Variants in GRID2IP observed in about 807,000 individuals in gnomAD.
GRID2IP encodes delphilin.
GRID2IP carries 78 observed loss-of-function variants against 114.3 expected under a neutral mutation model. The observed-to-expected ratio is 0.68, with a 90% CI of 0.57 to 0.82. GRID2IP has a LOEUF of 0.82. GRID2IP is among the 40% of genes least tolerant of loss of function. The pLI, the probability that GRID2IP is intolerant of heterozygous loss-of-function variation, is 0.00. For missense variants in GRID2IP, 1,727 were observed against 1,678.5 expected (o/e 1.03, Z -0.51); for synonymous variants, 809 against 724.0 (o/e 1.12, Z -1.89).
intron 1 of GRID2IP, among the ~76,000 whole-genome samples, chr7:6,545,859 C>G (rs537431971): frequency 6.6e-6 from 1 of 152,256 alleles, no homozygotes; most frequent in South Asian, 2.1e-4. Context: ...TCCCCACGCA[C>G]GCGCCGTGCT....
Position 6,519,192 on chromosome 7 carries a change from T to C in GRID2IP, c.1268+1386A>G, listed in dbSNP as rs1331447911. The stretch of plus-strand genomic sequence containing the variant: ...TCAGCCTCCCAAAGTGCTGGGATTA[T>C]AGGTGTCTGGCCTGGGTTTCTTTTT... On this transcript the variant is annotated intron_variant, in intron 7 of 21. Transcript: ENST00000457091. This position sits in a 1 kb window ranked among gnomAD's most constrained non-coding sequence, Gnocchi z 4.1. Among the ~76,000 whole-genome samples, 1 of 152,132 alleles carries C rather than the reference T, an allele frequency of 6.6e-6. No homozygotes were observed. The highest frequency in any genetic ancestry group is 1.5e-5 in the Non-Finnish European group (1 of 68,024).
chr7:6,526,740 C>T lies in GRID2IP; in HGVS notation c.614G>A (p.Arg205His), dbSNP rs1395136654. 4 of 1,524,250 alleles carry T rather than the reference C, an allele frequency of 2.6e-6. No individual in the cohort carries two copies. The highest frequency in any genetic ancestry group is 2.7e-5 in the East Asian group (1 of 37,222). 94.4% of individuals were successfully genotyped at this position (1,524,250 alleles called of 1,614,324 possible). Residue 205 changes from arginine (R) to histidine (H), a missense_variant, in exon 3 of 22, where the codon CGC (arginine) becomes CAC (histidine). By Grantham distance (29) the Arg-to-His change is conservative. Transcript: ENST00000457091. This position sits in a 1 kb window ranked among gnomAD's most constrained non-coding sequence, Gnocchi z 7.6. ...GCCCTGAGACACCACCTCGTCGAAG[C>T]GCGCCCGGTGCTTCTTGGGGATGAA... ...RIFIPKKHRA[R>H]FDEVVSQGLL...
At position 6,539,813 on chromosome 7, in the gene GRID2IP, C is replaced by A; in HGVS notation, c.489G>T (p.Lys163Asn). 2 of 1,551,180 alleles carry A rather than the reference C, an allele frequency of 1.3e-6. No homozygotes were observed. The highest frequency in any genetic ancestry group is 1.7e-6 in the Non-Finnish European group (2 of 1,146,968). The change falls in exon 2 of 22, where the codon AAG becomes AAT. Residue 163 changes from lysine to asparagine, a missense_variant. Transcript: ENST00000457091. ...CCACCCGCTGCTCAGCTGCAAACTG[C>A]TTCAGTGCAGCGAACACCTGCTCCT... The part of the protein sequence containing the change: ...TAKEQVFAAL[K>N]QFAAEQRVDD...
At chr7:6,543,748 C>G (rs1166710126) in intron 1 of GRID2IP, among the ~76,000 whole-genome samples, 6 of 151,410 alleles carry the variant, frequency 4.0e-5, no homozygotes, top group Non-Finnish European at 4.4e-5. Flanking sequence ...TAGCCAGGAT[C>G]ACAGGTGCAC....
Position 6,526,134 on chromosome 7 carries a change from T to C in GRID2IP, c.919+90A>G. The C allele has an allele frequency of 1.0e-6, 1 of 980,448 alleles. No individual in the cohort carries two copies. The allele number at this position is 980,448 out of a possible 1,614,324, so 60.7% of individuals were successfully genotyped here. On this transcript the variant is annotated intron_variant, in intron 4 of 21. Coordinates refer to ENST00000457091, the MANE Select transcript of GRID2IP (RefSeq NM_001145118.2). This position sits in a 1 kb window ranked among gnomAD's most constrained non-coding sequence, Gnocchi z 7.6. The stretch of plus-strand genomic sequence containing the variant: ...AGGGGTTGCTGAGCAGGAGCCTACA[T>C]GGGGTACAATGACCCGGCAGAGCCA...
At chr7:6,541,292 A>G (rs1295892800) in intron 1 of GRID2IP, among the ~76,000 whole-genome samples, 2 of 152,202 alleles carry the variant, frequency 1.3e-5, no homozygotes, top group Admixed American at 6.5e-5. Flanking sequence ...GTTCTAATAA[A>G]TATCGTAAAG....
At chr7:6,522,463 G>C (rs561488517) in intron 4 of GRID2IP, among the ~76,000 whole-genome samples, 1 of 152,140 alleles carries the variant, frequency 6.6e-6, no homozygotes, top group East Asian at 1.9e-4. Flanking sequence ...GTCAGGGTCT[G>C]GGATTCCTCT....
chr7:6,503,046 C>T lies in GRID2IP; in HGVS notation c.3025G>A (p.Glu1009Lys), dbSNP rs1319454179. 1 of 1,551,516 alleles carries T rather than the reference C, an allele frequency of 6.4e-7. No homozygotes were observed. The highest frequency in any genetic ancestry group is 8.7e-7 in the Non-Finnish European group (1 of 1,146,966). ...GCGAGCTTCCGACTGTTTTTGAGCTCCAGGGAGGCCTGGCGCAAGCATTCA... is the reference window on the plus strand; with the variant it reads ...GCGAGCTTCCGACTGTTTTTGAGCTTCAGGGAGGCCTGGCGCAAGCATTCA... The part of the protein sequence containing the change: ...SLECLRQASL[E>K]LKNSRKLAKI... Residue 1009 changes from glutamate (E) to lysine (K), a missense_variant, in exon 17 of 22, where the codon GAG becomes AAG. Coordinates refer to ENST00000457091, the MANE Select transcript of GRID2IP (RefSeq NM_001145118.2).
Position 6,536,526 on chromosome 7 carries a change from G to C in GRID2IP, c.584+3192C>G, listed in dbSNP as rs908910748. On this transcript the variant is annotated intron_variant, in intron 2 of 21. Coordinates refer to ENST00000457091, the MANE Select transcript of GRID2IP (RefSeq NM_001145118.2). This position sits in a 1 kb window ranked among gnomAD's most constrained non-coding sequence, Gnocchi z 5.3. Reference sequence around the variant, plus strand: ...GGGGGGCAGGCGGGCTGGCCCGGGAGGGGGCAGGAACAGACACCGGCAGCG... The same window carrying C: ...GGGGGGCAGGCGGGCTGGCCCGGGACGGGGCAGGAACAGACACCGGCAGCG... Among the ~76,000 whole-genome samples the C allele has an allele frequency of 3.3e-5, 5 of 152,088 alleles. No homozygotes were observed. The highest frequency in any genetic ancestry group is 9.7e-5 in the African/African-American group (4 of 41,432).
In GRID2IP at chr7:6,522,201, C is replaced by T. The variant is rs537021844; in HGVS notation, c.920-244G>A. ...CCCATCTCTACCAAGAAAAAAAATACAGAGCCCCATAGGCATGGGTGGCAG... is the reference window on the plus strand; with the variant it reads ...CCCATCTCTACCAAGAAAAAAAATATAGAGCCCCATAGGCATGGGTGGCAG... On this transcript the variant is annotated intron_variant, in intron 4 of 21. Coordinates refer to ENST00000457091, the MANE Select transcript of GRID2IP (RefSeq NM_001145118.2). Among the ~76,000 whole-genome samples, 6 of 152,242 alleles carry T rather than the reference C, an allele frequency of 3.9e-5. No homozygotes were observed. In the South Asian group the frequency reaches 6.2e-4, roughly 16 times the overall value.
At position 6,521,417 on chromosome 7, in the gene GRID2IP, T is replaced by TG; in HGVS notation, c.1084+11dup. On this transcript the variant is annotated intron_variant, in intron 6 of 21. Transcript: ENST00000457091. The surrounding 1 kb of genome is among the most constrained non-coding windows in gnomAD (Gnocchi z 4.1). ...GGGGGCCAAGGAAGCCAAGTGTCCA[T>TG]GGGGGTCTCACCACTGGCAAATGGG... 4 of 1,530,982 alleles carry TG rather than the reference T, an allele frequency of 2.6e-6. No individual in the cohort carries two copies. Among genetic ancestry groups the TG allele is most frequent in the Non-Finnish European group, 3.5e-6 (4 of 1,134,960 alleles). The allele number at this position is 1,530,982 out of a possible 1,614,324, so 94.8% of individuals were successfully genotyped here. A position where few individuals can be genotyped will look rare whatever the true frequency, so the allele number is the denominator to read the frequency against.
At position 6,503,278 on chromosome 7, in the gene GRID2IP, G is replaced by C. The variant is rs1786470668; in HGVS notation, c.2908-115C>G. On this transcript the variant is annotated intron_variant, in intron 16 of 21. Coordinates refer to ENST00000457091, the MANE Select transcript of GRID2IP (RefSeq NM_001145118.2). Reference sequence around the variant, plus strand: ...CTGGCTGCTTCGGCCCGATATTCCGGTAGGAAGAATAAGCACGATCCCTGG... The same window carrying C: ...CTGGCTGCTTCGGCCCGATATTCCGCTAGGAAGAATAAGCACGATCCCTGG... The C allele has an allele frequency of 4.2e-6, 5 of 1,182,638 alleles. No individual in the cohort carries two copies. The Admixed American group carries it at 1.4e-4, about 34-fold the overall frequency. The allele number at this position is 1,182,638 out of a possible 1,614,324, so 73.3% of individuals were successfully genotyped here. A position where few individuals can be genotyped will look rare whatever the true frequency, so the allele number is the denominator to read the frequency against.
chr7:6,540,761 C>T (rs1779804925), intron 1 of GRID2IP, among the ~76,000 whole-genome samples: 1 of 145,540 alleles, frequency 6.9e-6, no homozygotes, highest in South Asian at 2.1e-4. Flanking sequence ...AAACTCCTGG[C>T]CTCAGGTGAC....
chr7:6,521,832 T>G lies in GRID2IP; in HGVS notation c.989+56A>C. On this transcript the variant is annotated intron_variant, in intron 5 of 21. Transcript: ENST00000457091. This position sits in a 1 kb window ranked among gnomAD's most constrained non-coding sequence, Gnocchi z 4.1. ...TGGGTGCCCCAAGAGGCAGGAGTCTTGCAGGGGGTGGGGGCAGCTCCTCAC... is the reference window on the plus strand; with the variant it reads ...TGGGTGCCCCAAGAGGCAGGAGTCTGGCAGGGGGTGGGGGCAGCTCCTCAC... The G allele has an allele frequency of 7.5e-7, 1 of 1,341,474 alleles. No individual in the cohort carries two copies. Among genetic ancestry groups the G allele is most frequent in the Non-Finnish European group, 1.0e-6 (1 of 956,760 alleles). The allele number at this position is 1,341,474 out of a possible 1,614,324, so 83.1% of individuals were successfully genotyped here.
At chr7:6,502,407 G>C (rs183654852) in intron 18 of GRID2IP, among the ~76,000 whole-genome samples, 55 of 152,012 alleles carry the variant, frequency 3.6e-4, no homozygotes, top group African/African-American at 1.3e-3. Context: ...GTAGAACTGG[G>C]GTCTAGCTAT....
rs764810113 is a variant in GRID2IP at position 6,526,641 on chromosome 7, C to A, written c.713G>T (p.Arg238Leu). 9.5e-6 allele frequency: 13 copies of A among 1,370,522 alleles called. 1 individual carries two copies. In the South Asian group the frequency reaches 1.2e-4, roughly 13 times the overall value. 84.9% of individuals were successfully genotyped at this position (1,370,522 alleles called of 1,614,324 possible). The part of the protein sequence containing the change: ...QRLRRSRSEE[R>L]PERLLVSTRA... ...CGTGGACACCAGGAGGCGCTCCGGC[C>A]GCTCCTCGCTGCGGCTCCGGCGCAG... is the stretch of plus-strand genomic sequence containing the variant. Residue 238 changes from arginine (R) to leucine (L), a missense_variant, in exon 3 of 22, where the codon CGG becomes CTG. Arg to Leu is a moderately radical substitution (Grantham distance 102). Coordinates refer to ENST00000457091, the MANE Select transcript of GRID2IP (RefSeq NM_001145118.2). This position sits in a 1 kb window ranked among gnomAD's most constrained non-coding sequence, Gnocchi z 7.6.
chr7:6,540,684 C>A (rs1281705064), intron 1 of GRID2IP, among the ~76,000 whole-genome samples: 2 of 68,236 alleles, frequency 2.9e-5, no homozygotes, highest in Non-Finnish European at 5.7e-5. Context: ...CCACACCTGG[C>A]TAATTTTTTT....
At position 6,521,767 on chromosome 7, in the gene GRID2IP, C is replaced by T. The variant is rs1475485747; in HGVS notation, c.989+121G>A. ...AGTTCCCATTGGAAGAGGGACAGAC[C>T]CTGGGGACCAAATGGTGAGAGGAGA... On this transcript the variant is annotated intron_variant, in intron 5 of 21. Coordinates refer to ENST00000457091, the MANE Select transcript of GRID2IP (RefSeq NM_001145118.2). This position sits in a 1 kb window ranked among gnomAD's most constrained non-coding sequence, Gnocchi z 4.1. 8.9e-6 allele frequency: 7 copies of T among 786,136 alleles called. No homozygotes were observed. Among genetic ancestry groups the T allele is most frequent in the South Asian group, 1.7e-5 (1 of 59,034 alleles). The allele number at this position is 786,136 out of a possible 1,614,324, so 48.7% of individuals were successfully genotyped here.
rs1779720098 is a variant in GRID2IP, at chr7:6,536,226, A to G, written c.584+3492T>C. Among the ~76,000 whole-genome samples, 1 of 152,112 alleles carries G rather than the reference A, an allele frequency of 6.6e-6. No individual in the cohort carries two copies. The highest frequency in any genetic ancestry group is 1.5e-5 in the Non-Finnish European group (1 of 68,006). ...GTGGCTGAAGCCCTACTGCCAGGGT[A>G]ACATTCTCCTTGCGGAGCCCAGCTG... On this transcript the variant is annotated intron_variant, in intron 2 of 21. Coordinates refer to ENST00000457091, the MANE Select transcript of GRID2IP (RefSeq NM_001145118.2). The surrounding 1 kb of genome is among the most constrained non-coding windows in gnomAD (Gnocchi z 5.3).
Sources: gnomAD v4.1 joint callset for allele counts (sites outside exome capture counted in the v4.1 genomes callset) on GRCh38, gnomAD v4.1.1 for gene constraint, Gnocchi (gnomAD v3.1) non-coding constraint, MANE v1.5 for transcripts, NCBI Gene and HGNC (gene_info 2026-07-23, HGNC 2026-07-21) for gene names.